The following BCAR3 variants were observed in gnomAD, a reference collection of about 807,000 sequenced individuals.
BCAR3 encodes the protein breast cancer anti-estrogen resistance protein 3.
A neutral mutation model predicts 80.1 loss-of-function variants in BCAR3; 37 were observed. The ratio of observed to expected loss-of-function variants is 0.46; its 90% CI spans 0.36 to 0.61. The LOEUF (loss-of-function observed/expected upper bound fraction) is 0.61. BCAR3 is among the 20% of genes least tolerant of loss of function. BCAR3 has a pLI of 0.00. For synonymous variants in BCAR3, 389 were observed against 418.9 expected, an observed-to-expected ratio of 0.93 and a Z score of 0.87; for missense variants, 978 against 1,068.2, an observed-to-expected ratio of 0.92 and a Z score of 1.18.
chr1:93,705,649 G>C (rs1649806173), intron 3 of BCAR3, among the ~76,000 whole-genome samples: 1 of 152,226 alleles, frequency 6.6e-6, no homozygotes, highest in Admixed American at 6.5e-5. Context: ...CCCAGCACCT[G>C]AAACCCTCCC....
At chr1:93,667,235 CAGG>C (rs922399513) in intron 2 of BCAR3, among the ~76,000 whole-genome samples, 3 of 152,196 alleles carry the variant, frequency 2.0e-5, no homozygotes, top group Admixed American at 6.5e-5. Context: ...CAGAGCTGAG[CAGG>C]AGAAGAAGAA....
At chr1:93,667,751 C>G (rs1647993785) in intron 2 of BCAR3, among the ~76,000 whole-genome samples, 1 of 152,180 alleles carries the variant, frequency 6.6e-6, no homozygotes, top group Non-Finnish European at 1.5e-5. Context: ...CACAGCTAGC[C>G]TCTTGGTGAC....
intron 2 of BCAR3, among the ~76,000 whole-genome samples, chr1:93,766,563 C>A (rs1652158173): frequency 6.6e-6 from 1 of 152,236 alleles, no homozygotes; most frequent in African/African-American, 2.4e-5. Flanking sequence ...TGACTGCCGT[C>A]CAGAGCCGCT....
chr1:93,567,264 A>C lies in BCAR3; in HGVS notation c.2299+15T>G. ...ATACAGTGTTAGAGAACAGCTTACA[A>C]AACCCATCTCTTACCTGCCAGGATC... is the stretch of plus-strand genomic sequence containing the variant. On this transcript the variant is annotated intron_variant, in intron 11 of 11. Transcript: ENST00000260502. 1 of 1,613,134 alleles carries C rather than the reference A, an allele frequency of 6.2e-7. No homozygotes were observed. The highest frequency in any genetic ancestry group is 8.5e-7 in the Non-Finnish European group (1 of 1,179,762).
intron 3 of BCAR3, among the ~76,000 whole-genome samples, chr1:93,638,941 G>A (rs189465944): frequency 5.3e-5 from 8 of 152,240 alleles, no homozygotes; most frequent in Non-Finnish European, 1.0e-4. Flanking sequence ...TTAAAGAGAC[G>A]GAAACAGTGA....
intron 2 of BCAR3, among the ~76,000 whole-genome samples, chr1:93,651,476 C>T (rs1676325085): frequency 6.6e-6 from 1 of 152,106 alleles, no homozygotes; most frequent in African/African-American, 2.4e-5. Flanking sequence ...ATTTATTGAG[C>T]ATTTACTTTG....
intron 3 of BCAR3, among the ~76,000 whole-genome samples, chr1:93,595,954 A>AT (rs1182795026): frequency 2.0e-5 from 3 of 152,062 alleles, no homozygotes; most frequent in South Asian, 2.1e-4. Context: ...AAGAATTTGG[A>AT]TTTTTTCCCT....
chr1:93,571,202 T>TAA (rs57983230), intron 9 of BCAR3, among the ~76,000 whole-genome samples: 5,836 of 140,600 alleles, frequency 0.042, 371 homozygotes, highest in African/African-American at 0.14. Context: ...AGACTTCGTT[T>TAA]AAAAAAAAAA....
At chr1:93,724,326 G>A (rs72965430) in intron 2 of BCAR3, among the ~76,000 whole-genome samples, 16 of 152,300 alleles carry the variant, frequency 1.1e-4, no homozygotes, top group South Asian at 2.1e-4. Context: ...GAAAGGCTGC[G>A]TCCATTACTG....
chr1:93,615,273 G>C (rs757151693), intron 3 of BCAR3, among the ~76,000 whole-genome samples: 1 of 152,142 alleles, frequency 6.6e-6, no homozygotes, highest in African/African-American at 2.4e-5. Context: ...GGGAGACCTT[G>C]GCCTTTGGAC....
intron 2 of BCAR3, among the ~76,000 whole-genome samples, chr1:93,737,676 T>C (rs1020376051): frequency 3.9e-5 from 6 of 152,172 alleles, no homozygotes; most frequent in African/African-American, 1.4e-4. Flanking sequence ...ACAGCAACCC[T>C]AGGAAGCCAA....
intron 11 of BCAR3, among the ~76,000 whole-genome samples, chr1:93,564,302 T>A (rs1236256262): frequency 6.7e-6 from 1 of 149,224 alleles, no homozygotes; most frequent in Non-Finnish European, 1.5e-5. Flanking sequence ...TTTTTTTTTT[T>A]TTTTTTTTTG....
At chr1:93,648,740 A>AT (rs1676227742) in intron 2 of BCAR3, 1 of 152,146 alleles carries the variant, frequency 6.6e-6, no homozygotes. Context: ...GAGGAGCCTC[A>AT]TTTTCCTCTT....
Position 93,592,600 on chromosome 1 carries a change from A to T in BCAR3, c.358-207T>A, listed in dbSNP as rs1005555866. On this transcript the variant is annotated intron_variant, in intron 3 of 11. Transcript: ENST00000260502. The surrounding 1 kb of genome is among the most constrained non-coding windows in gnomAD (Gnocchi z 4.8). ...ATAAAATTTTCACCTGCACATGGGG[A>T]CTATGGTAGGAGAGTCCACCAAGAG... 7.0e-6 allele frequency: 4 copies of T among 573,282 alleles called. No individual in the cohort carries two copies. Among genetic ancestry groups the T allele is most frequent in the African/African-American group, 5.8e-5 (3 of 51,996 alleles). The allele number at this position is 573,282 out of a possible 1,614,324, so 35.5% of individuals were successfully genotyped here.
chr1:93,566,505 A>C (rs1459351317), intron 11 of BCAR3, among the ~76,000 whole-genome samples: 1 of 152,114 alleles, frequency 6.6e-6, no homozygotes, highest in East Asian at 1.9e-4. Context: ...CTGACTGAGG[A>C]GGCTGCTTTC....
chr1:93,777,414 TTCCTCCTCCTCTTCC>T (rs768993064), intron 2 of BCAR3, among the ~76,000 whole-genome samples: 228 of 113,222 alleles, frequency 2.0e-3, no homozygotes, highest in South Asian at 3.6e-3. Flanking sequence ...CCTCCTCCTC[TTCCTCCTCCTCTTCC>T]TCCTCCTCCT....
upstream of BCAR3, among the ~76,000 whole-genome samples, chr1:93,684,848 G>T (rs1378457530): frequency 6.6e-6 from 1 of 152,150 alleles, no homozygotes; most frequent in African/African-American, 2.4e-5. Flanking sequence ...TCCTGCCTCA[G>T]CCTCCCAAGT....
chr1:93,693,740 T>C (rs1649282233), intron 3 of BCAR3, among the ~76,000 whole-genome samples: 1 of 152,202 alleles, frequency 6.6e-6, no homozygotes, highest in South Asian at 2.1e-4. Flanking sequence ...AAGATGCCTC[T>C]GTAAACACGG....
At chr1:93,684,354 G>C (rs573453213), upstream of BCAR3, among the ~76,000 whole-genome samples, 4 of 152,266 alleles carry the variant, frequency 2.6e-5, no homozygotes, top group African/African-American at 9.6e-5. Context: ...TAGCAATAAA[G>C]AAAGACCAGA....
Sources: allele counts gnomAD v4.1 joint callset (sites outside exome capture counted in the v4.1 genomes callset), GRCh38; gene constraint gnomAD v4.1.1; non-coding constraint Gnocchi (gnomAD v3.1); transcripts MANE v1.5; gene names NCBI Gene and HGNC (gene_info 2026-07-23, HGNC 2026-07-21).